Variants in EBF4 observed in about 807,000 individuals in gnomAD.
EBF4 encodes EBF transcription factor 4.
EBF4 carries 34 observed loss-of-function variants against 67.1 expected under a neutral mutation model. The observed-to-expected ratio is 0.51, with a 90% CI of 0.39 to 0.67. EBF4 has a LOEUF of 0.67. Ranked by LOEUF, EBF4 falls within the 30% of genes least tolerant of loss-of-function variation. The pLI is 0.00. For synonymous variants in EBF4, 387 were observed against 377.7 expected (o/e 1.02, Z -0.29); for missense variants, 837 against 873.3 (o/e 0.96, Z 0.52).
Position 2,755,628 on chromosome 20 carries a change from C to A in EBF4, c.1542C>A (p.Ile514=). The change falls in exon 15 of 17, where the codon ATC becomes ATA. Residue 514 remains isoleucine (I), a splice_region_variant and synonymous_variant. Coordinates refer to ENST00000609451, the Ensembl canonical transcript of EBF4. The surrounding 1 kb of genome is among the most constrained non-coding windows in gnomAD (Gnocchi z 4.7). ...GCCCCTCCCCGCCCCGCCCCGGAGT[C>A]ATGCCCTCTAGCCCCCCGCTGGCGG... 1.8e-6 allele frequency: 2 copies of A among 1,132,018 alleles called. No homozygotes were observed. The highest frequency in any genetic ancestry group is 2.5e-6 in the Non-Finnish European group (2 of 812,026). 70.1% of individuals were successfully genotyped at this position (1,132,018 alleles called of 1,614,324 possible). A position where few individuals can be genotyped will look rare whatever the true frequency, so the allele number is the denominator to read the frequency against.
In EBF4 at chr20:2,755,293, G is replaced by C. The variant is rs181343019; in HGVS notation, c.1541-334G>C. 59 of 324,382 alleles carry C rather than the reference G, an allele frequency of 1.8e-4. No homozygotes were observed. The highest frequency in any genetic ancestry group is 1.1e-3 in the African/African-American group (53 of 46,408). The allele number at this position is 324,382 out of a possible 1,614,324, so 20.1% of individuals were successfully genotyped here. A position where few individuals can be genotyped will look rare whatever the true frequency, so the allele number is the denominator to read the frequency against. ...TTCCTAGCATCTCAGAATCCCAGGGGTTTTCAGCAGAAATCCTGAAGTAGT... is the reference window on the plus strand; with the variant it reads ...TTCCTAGCATCTCAGAATCCCAGGGCTTTTCAGCAGAAATCCTGAAGTAGT... On this transcript the variant is annotated intron_variant, in intron 14 of 16. Transcript: ENST00000609451. The surrounding 1 kb of genome is among the most constrained non-coding windows in gnomAD (Gnocchi z 4.7).
At chr20:2,740,991 G>A (rs1365417414) in intron 6 of EBF4, among the ~76,000 whole-genome samples, 2 of 152,082 alleles carry the variant, frequency 1.3e-5, no homozygotes, top group African/African-American at 2.4e-5. Flanking sequence ...TCAACTCACT[G>A]TAAAGTTCCT....
intron 15 of EBF4, among the ~76,000 whole-genome samples, chr20:2,758,206 C>A (rs2088274181): frequency 6.6e-6 from 1 of 152,218 alleles, no homozygotes; most frequent in African/African-American, 2.4e-5. Flanking sequence ...TCAGCCTCCT[C>A]CAAGTGAACA....
intron 6 of EBF4, among the ~76,000 whole-genome samples, chr20:2,736,837 C>G (rs201974997): frequency 1.9e-5 from 2 of 106,406 alleles, no homozygotes; most frequent in Admixed American, 1.0e-4. Context: ...GACAAAGGAC[C>G]CCTAATGAAG....
rs1180642624 is a variant in EBF4, at chr20:2,739,416, G to A, written c.558-9133G>A. On this transcript the variant is annotated intron_variant, in intron 6 of 16. Coordinates refer to ENST00000609451, the Ensembl canonical transcript of EBF4. The surrounding 1 kb of genome is among the most constrained non-coding windows in gnomAD (Gnocchi z 4.5). ...ACCCAAGACCAAATTGGAGCTCTAGGAAGCATTCCGCCTCCCCTAGGCAAA... is the reference window on the plus strand; with the variant it reads ...ACCCAAGACCAAATTGGAGCTCTAGAAAGCATTCCGCCTCCCCTAGGCAAA... Among the ~76,000 whole-genome samples the A allele has an allele frequency of 1.3e-5, 2 of 151,984 alleles. No individual in the cohort carries two copies. Among genetic ancestry groups the A allele is most frequent in the Non-Finnish European group, 2.9e-5 (2 of 67,992 alleles).
At chr20:2,695,127 T>C (rs1327726761) in intron 1 of EBF4, among the ~76,000 whole-genome samples, 1 of 152,098 alleles carries the variant, frequency 6.6e-6, no homozygotes, top group African/African-American at 2.4e-5. Context: ...TCTGGCTTTT[T>C]TTTTTTTCAA....
chr20:2,738,279 A>G (rs1337094149), intron 6 of EBF4, among the ~76,000 whole-genome samples: 3 of 151,964 alleles, frequency 2.0e-5, no homozygotes, highest in African/African-American at 7.3e-5. Context: ...GGAACCCACA[A>G]CTTCTTTCCT....
chr20:2,717,161 G>A (rs1270517964), intron 6 of EBF4, among the ~76,000 whole-genome samples: 1 of 152,012 alleles, frequency 6.6e-6, no homozygotes, highest in Non-Finnish European at 1.5e-5. Flanking sequence ...TTCAATAACG[G>A]CCACAAATAC....
intron 14 of EBF4, 63 bp downstream of exon 14, chr20:2,752,608 G>T: frequency 8.5e-7 from 1 of 1,173,248 alleles, no homozygotes; most frequent in Non-Finnish European, 1.1e-6. Flanking sequence ...ACTCAGCCCC[G>T]CCCCCGCCCA....
chr20:2,732,484 A>T (rs1217348124), intron 6 of EBF4, among the ~76,000 whole-genome samples: 3 of 152,254 alleles, frequency 2.0e-5, no homozygotes, highest in Non-Finnish European at 2.9e-5. Flanking sequence ...TTTTATCATT[A>T]TAACATGTCC....
intron 6 of EBF4, among the ~76,000 whole-genome samples, chr20:2,735,529 G>T (rs1241176312): frequency 6.6e-6 from 1 of 152,174 alleles, no homozygotes; most frequent in Non-Finnish European, 1.5e-5. Flanking sequence ...CAGTGTTCTT[G>T]TTTCTTTATG....
At chr20:2,718,534 G>A (rs980546128) in intron 6 of EBF4, among the ~76,000 whole-genome samples, 1 of 152,126 alleles carries the variant, frequency 6.6e-6, no homozygotes, top group Non-Finnish European at 1.5e-5. Flanking sequence ...CAAAGAATTT[G>A]TCAATTTCTT....
At chr20:2,706,188 C>T (rs2087455499) in intron 3 of EBF4, 21 bp from the exon 4 acceptor site, 1 of 1,552,100 alleles carries the variant, frequency 6.4e-7, no homozygotes, top group Non-Finnish European at 8.7e-7. Context: ...GCAGCAAGCC[C>T]TCTCCATCTT....
rs779132870 is a variant in EBF4 at position 2,705,936 on chromosome 20, C to A, written c.295-38C>A. ...GGTGGACAAGGGAGGCTGGAGGATC[C>A]CTGAGCACCCGAGCATCCTCCCATC... On this transcript the variant is annotated intron_variant, in intron 2 of 16. Transcript: ENST00000609451. The A allele has an allele frequency of 7.9e-5, 122 of 1,543,932 alleles. 1 individual carries two copies. The East Asian group carries it at 2.8e-3, about 35-fold the overall frequency.
At chr20:2,758,710 G>A (rs1044877204) in intron 15 of EBF4, 199 bp from the exon 16 acceptor site, 4 of 610,832 alleles carry the variant, frequency 6.5e-6, no homozygotes, top group Admixed American at 5.4e-5. Flanking sequence ...GAGCAAGGGC[G>A]TGGGCTGCAT....
intron 6 of EBF4, among the ~76,000 whole-genome samples, chr20:2,714,650 C>G (rs959389541): frequency 2.0e-5 from 3 of 152,220 alleles, no homozygotes; most frequent in African/African-American, 7.2e-5. Context: ...CAACACCCCA[C>G]CATGTGCTTA....
At position 2,747,279 on chromosome 20, in the gene EBF4, A is replaced by G. The variant is rs527930064; in HGVS notation, c.558-1270A>G. Among the ~76,000 whole-genome samples the G allele has an allele frequency of 1.4e-4, 21 of 151,706 alleles. No individual in the cohort carries two copies. The highest frequency in any genetic ancestry group is 1.6e-4 in the Non-Finnish European group (11 of 67,918). ...GTGAGACATGGCGAGCCTGGGCAACAGAGCAAGACTCTGTCTCAAAACAAA... is the reference window on the plus strand; with the variant it reads ...GTGAGACATGGCGAGCCTGGGCAACGGAGCAAGACTCTGTCTCAAAACAAA... On this transcript the variant is annotated intron_variant, in intron 6 of 16. Transcript: ENST00000609451. This position sits in a 1 kb window ranked among gnomAD's most constrained non-coding sequence, Gnocchi z 4.6.
chr20:2,729,663 C>G (rs1294634026), intron 6 of EBF4, among the ~76,000 whole-genome samples: 1 of 152,196 alleles, frequency 6.6e-6, no homozygotes, highest in Admixed American at 6.5e-5. Context: ...AGTCTATGAC[C>G]GGGTAGCATA....
intron 6 of EBF4, among the ~76,000 whole-genome samples, chr20:2,732,026 A>G (rs1177210205): frequency 1.3e-5 from 2 of 151,998 alleles, no homozygotes; most frequent in African/African-American, 4.8e-5. Context: ...TGAAGTTGCC[A>G]GTTATTATTG....
Sources: gnomAD v4.1 joint callset for allele counts (sites outside exome capture counted in the v4.1 genomes callset) on GRCh38, gnomAD v4.1.1 for gene constraint, Gnocchi (gnomAD v3.1) non-coding constraint, MANE v1.5 for transcripts, NCBI Gene and HGNC (gene_info 2026-07-23, HGNC 2026-07-21) for gene names.